GFOD2: variants seen among roughly 807,000 people sequenced by gnomAD.
GFOD2 encodes glucose-fructose oxidoreductase domain-containing protein 2.
A neutral mutation model predicts 24.6 loss-of-function variants in GFOD2; 9 were observed. That is an observed-to-expected ratio of 0.37 (90% CI 0.22 to 0.64). The LOEUF (loss-of-function observed/expected upper bound fraction) is 0.64. Ranked by LOEUF, GFOD2 falls within the 30% of genes least tolerant of loss-of-function variation. GFOD2 has a pLI of 0.65. For synonymous variants in GFOD2, 211 were observed against 224.8 expected (o/e 0.94, Z 0.55); for missense variants, 476 against 532.5 (o/e 0.89, Z 1.04).
intron 1 of GFOD2, among the ~76,000 whole-genome samples, chr16:67,704,643 A>G (rs1000678002): frequency 6.6e-6 from 1 of 152,224 alleles, no homozygotes; most frequent in African/African-American, 2.4e-5. Flanking sequence ...TACTAAAAAA[A>G]CCAAATTGTT....
At chr16:67,715,709 C>T (rs150302045) in intron 1 of GFOD2, among the ~76,000 whole-genome samples, 1 of 152,214 alleles carries the variant, frequency 6.6e-6, no homozygotes, top group Non-Finnish European at 1.5e-5. Context: ...TGTTCCATTA[C>T]TATACTGTAT....
chr16:67,683,348 C>A, intron 2 of GFOD2: 13 of 1,223,950 alleles, frequency 1.1e-5, no homozygotes, highest in Non-Finnish European at 1.3e-5. Flanking sequence ...AGACTGAGAG[C>A]CTCCAGAGTT....
At position 67,684,955 on chromosome 16, in the gene GFOD2, G is replaced by A. The variant is rs1353589365; in HGVS notation, c.259+502C>T. 8.0e-6 allele frequency: 8 copies of A among 1,002,896 alleles called. No individual in the cohort carries two copies. The African/African-American group carries it at 1.4e-4, about 17-fold the overall frequency. The allele number at this position is 1,002,896 out of a possible 1,614,324, so 62.1% of individuals were successfully genotyped here. A position where few individuals can be genotyped will look rare whatever the true frequency, so the allele number is the denominator to read the frequency against. ...ATCCTGTCAGGGAAGCCCAATGCTG[G>A]CAGAGCCTTCCTGTCCTCCGGCAAT... is the stretch of plus-strand genomic sequence containing the variant. On this transcript the variant is annotated intron_variant, in intron 2 of 2. Transcript: ENST00000268797.
chr16:67,705,841 G>A (rs1457590429), intron 1 of GFOD2, among the ~76,000 whole-genome samples: 1 of 151,512 alleles, frequency 6.6e-6, no homozygotes, highest in East Asian at 2.0e-4. Flanking sequence ...TCAGGAGGCT[G>A]AGGCACGAGA....
chr16:67,678,314 T>C (rs573686090), intron 2 of GFOD2, among the ~76,000 whole-genome samples: 1 of 152,002 alleles, frequency 6.6e-6, no homozygotes, highest in East Asian at 1.9e-4. Context: ...CCGTCTCTAC[T>C]AAAAATACAA....
chr16:67,700,749 A>G (rs2053396748), intron 1 of GFOD2, among the ~76,000 whole-genome samples: 1 of 149,148 alleles, frequency 6.7e-6, no homozygotes, highest in Non-Finnish European at 1.5e-5. Flanking sequence ...AAAACAAATT[A>G]AGGCTGGGTT....
intron 1 of GFOD2, among the ~76,000 whole-genome samples, chr16:67,697,308 C>T (rs965975147): frequency 6.6e-5 from 10 of 152,078 alleles, no homozygotes; most frequent in Admixed American, 6.6e-4. Flanking sequence ...TATAATTGGG[C>T]CTGGCCAATT....
intron 1 of GFOD2, among the ~76,000 whole-genome samples, chr16:67,704,321 A>T (rs1346055897): frequency 6.6e-6 from 1 of 152,228 alleles, no homozygotes; most frequent in Non-Finnish European, 1.5e-5. Flanking sequence ...TCAGCGTAAC[A>T]ACATCTCTTT....
chr16:67,694,868 T>C (rs1322796952), intron 1 of GFOD2, among the ~76,000 whole-genome samples: 3 of 152,172 alleles, frequency 2.0e-5, no homozygotes, highest in African/African-American at 7.2e-5. Flanking sequence ...AAGCTTGGCT[T>C]GCCTCCTGTA....
In GFOD2 at chr16:67,705,150, T is replaced by C. The variant is rs117368134; in HGVS notation, c.-88+14013A>G. Among the ~76,000 whole-genome samples the C allele has an allele frequency of 6.3e-3, 956 of 152,346 alleles. 18 individuals carry two copies. The highest frequency in any genetic ancestry group is 6.0e-3 in the Non-Finnish European group (406 of 68,034). ...GTTGTTTTCCCTGCCATGGTATCCA[T>C]TATTCATCCTAAATACCTCTCAGTA... On this transcript the variant is annotated intron_variant, in intron 1 of 2. Coordinates refer to ENST00000268797, the MANE Select transcript of GFOD2 (RefSeq NM_030819.4).
chr16:67,708,284 T>C (rs951911755), intron 1 of GFOD2, among the ~76,000 whole-genome samples: 7 of 152,204 alleles, frequency 4.6e-5, no homozygotes, highest in African/African-American at 1.4e-4. Context: ...TCTCTTTCCT[T>C]TAAAACAAAA....
At chr16:67,712,372 C>A (rs890780154) in intron 1 of GFOD2, among the ~76,000 whole-genome samples, 2 of 138,070 alleles carry the variant, frequency 1.4e-5, no homozygotes, top group Non-Finnish European at 3.1e-5. Flanking sequence ...TCTCGGCTCA[C>A]TGCAACCTCC....
At chr16:67,686,617 G>A (rs185793090) in intron 1 of GFOD2, among the ~76,000 whole-genome samples, 311 of 151,824 alleles carry the variant, frequency 2.0e-3, no homozygotes, top group Non-Finnish European at 3.4e-3. Context: ...ATCACCTGAG[G>A]TAAGGAGTTC....
chr16:67,675,459 A>T lies in GFOD2; in HGVS notation c.854T>A (p.Leu285Gln). The T allele has an allele frequency of 1.9e-6, 3 of 1,612,374 alleles. No homozygotes were observed. Among genetic ancestry groups the T allele is most frequent in the Non-Finnish European group, 1.7e-6 (2 of 1,180,024 alleles). ...TQEELLLRDS[L>Q]AVGAGLPEQG... Reference sequence around the variant, plus strand: ...CTCAGGCAGTCCTGCGCCCACTGCCAGCGAGTCCCTCAAGAGCAGCTCCTC... The same window carrying T: ...CTCAGGCAGTCCTGCGCCCACTGCCTGCGAGTCCCTCAAGAGCAGCTCCTC... Residue 285 changes from leucine (L) to glutamine (Q), a missense_variant, in exon 3 of 3, where the codon CTG becomes CAG. Leu to Gln is a moderately radical substitution (Grantham distance 113, BLOSUM62 -2). Coordinates refer to ENST00000268797, the MANE Select transcript of GFOD2 (RefSeq NM_030819.4).
intron 2 of GFOD2, among the ~76,000 whole-genome samples, chr16:67,678,811 T>C (rs977107394): frequency 6.6e-6 from 1 of 152,116 alleles, no homozygotes; most frequent in Non-Finnish European, 1.5e-5. Context: ...TTTATTACCA[T>C]CGCCAAGGGA....
intron 1 of GFOD2, among the ~76,000 whole-genome samples, chr16:67,714,348 G>T (rs926911020): frequency 6.6e-6 from 1 of 151,344 alleles, no homozygotes; most frequent in Non-Finnish European, 1.5e-5. Flanking sequence ...GCATGAAGGC[G>T]CACACCTGTA....
At chr16:67,696,180 A>T (rs2053357582) in intron 1 of GFOD2, among the ~76,000 whole-genome samples, 1 of 151,498 alleles carries the variant, frequency 6.6e-6, no homozygotes, top group Admixed American at 6.6e-5. Flanking sequence ...TGCCTGGCTA[A>T]TTTTTTGTAT....
At chr16:67,681,294 T>C (rs1246993833) in intron 2 of GFOD2, 1 of 985,262 alleles carries the variant, frequency 1.0e-6, no homozygotes, top group Non-Finnish European at 1.2e-6. Flanking sequence ...GAGGTGGGTT[T>C]AGAGGAAAAA....
At chr16:67,683,370 C>T in intron 2 of GFOD2, 1 of 1,227,344 alleles carries the variant, frequency 8.1e-7, no homozygotes, top group Non-Finnish European at 1.0e-6. Flanking sequence ...TGGCTCCGGA[C>T]ACACCTCACC....
Sources: allele counts gnomAD v4.1 joint callset (sites outside exome capture counted in the v4.1 genomes callset), GRCh38; gene constraint gnomAD v4.1.1; transcripts MANE v1.5; gene names NCBI Gene and HGNC (gene_info 2026-07-23, HGNC 2026-07-21).